OSBPL8: variants seen among roughly 807,000 people sequenced by gnomAD.
OSBPL8 encodes oxysterol-binding protein-related protein 8.
In OSBPL8, 59 loss-of-function variants were observed where a neutral mutation model predicts 125.5. The observed-to-expected ratio is 0.47, with a 90% CI of 0.38 to 0.58. The LOEUF (loss-of-function observed/expected upper bound fraction) is 0.58, where lower values mean the gene tolerates loss of function less well. Among genes scored for constraint, OSBPL8 ranks in the 20% least tolerant of loss-of-function variants. OSBPL8 has a pLI of 0.00. For synonymous variants in OSBPL8, 330 were observed against 338.9 expected (o/e 0.97, Z 0.29); for missense variants, 758 against 1,047.8 (o/e 0.72, Z 3.82).
intron 1 of OSBPL8, among the ~76,000 whole-genome samples, chr12:76,551,574 G>GT (rs1592907681): frequency 2.0e-5 from 3 of 152,260 alleles, no homozygotes; most frequent in African/African-American, 7.2e-5. Context: ...GTGACTGGGC[G>GT]TAAGATAAAG....
In OSBPL8 at chr12:76,530,203, C is replaced by T. The variant is rs1553945; in HGVS notation, c.-68+29194G>A. 5.7e-3 allele frequency among the ~76,000 whole-genome samples: 846 copies of T among 149,572 alleles called. 7 individuals are homozygous for T. Among genetic ancestry groups the T allele is most frequent in the Middle Eastern group, 7.0e-3 (2 of 284 alleles). Reference sequence around the variant, plus strand: ...TCCCAAGTAGTAAGAACTATAGGCACGTGCCACCGGGCCTGGCTTTTTTTT... The same window carrying T: ...TCCCAAGTAGTAAGAACTATAGGCATGTGCCACCGGGCCTGGCTTTTTTTT... On this transcript the variant is annotated intron_variant, in intron 1 of 23. Coordinates refer to ENST00000261183, the MANE Select transcript of OSBPL8 (RefSeq NM_020841.5).
rs532119518 is a variant in OSBPL8 at position 76,369,499 on chromosome 12, A to G, written c.2240+138T>C. The G allele has an allele frequency of 5.2e-4, 700 of 1,342,844 alleles. 5 individuals are homozygous for G. The South Asian group carries it at 0.01, about 20-fold the overall frequency. 83.2% of individuals were successfully genotyped at this position (1,342,844 alleles called of 1,614,324 possible). On this transcript the variant is annotated intron_variant, in intron 20 of 23. Transcript: ENST00000261183. ...ATAGAGTCAAGCTTATAATGAATGC[A>G]AAACCAAGTTTAAAAATCTCACACT...
chr12:76,474,971 T>G (rs1288230223), intron 2 of OSBPL8, among the ~76,000 whole-genome samples: 3 of 152,292 alleles, frequency 2.0e-5, no homozygotes, highest in Admixed American at 6.5e-5. Flanking sequence ...TAAGCTGAGG[T>G]ACGGATAAAA....
Position 76,369,225 on chromosome 12 carries a change from G to T in OSBPL8, c.2317C>A (p.Arg773Ser). 1 of 1,609,222 alleles carries T rather than the reference G, an allele frequency of 6.2e-7. No individual in the cohort carries two copies. Among genetic ancestry groups the T allele is most frequent in the Non-Finnish European group, 8.5e-7 (1 of 1,178,498 alleles). Residue 773 changes from arginine (R) to serine (S), a missense_variant, in exon 21 of 24, where the codon CGT (arginine) becomes AGT (serine). Around this residue, in one of 3 missense-constraint regions of OSBPL8, gnomAD observed 572 missense variants for 762.0 expected, o/e 0.75. Coordinates refer to ENST00000261183, the MANE Select transcript of OSBPL8 (RefSeq NM_020841.5). ...DGVIQTKVKHRTPMVSVPKMK... is the reference protein window; with the variant it reads ...DGVIQTKVKHSTPMVSVPKMK... ...TTTTTATTACATACCATTGGAGTACGATGTTTCACTTTGGTCTGAATAACA... is the reference window on the plus strand; with the variant it reads ...TTTTTATTACATACCATTGGAGTACTATGTTTCACTTTGGTCTGAATAACA...
chr12:76,464,431 T>C (rs1875140471), intron 2 of OSBPL8, among the ~76,000 whole-genome samples: 1 of 152,234 alleles, frequency 6.6e-6, no homozygotes, highest in Admixed American at 6.5e-5. Context: ...AGACATACTA[T>C]CAAAGTATTT....
chr12:76,534,367 G>A (rs962434148), intron 1 of OSBPL8: 1 of 152,130 alleles, frequency 6.6e-6, no homozygotes, highest in Admixed American at 6.5e-5. Flanking sequence ...AGTATCAGAC[G>A]TGGTATTTAA....
At chr12:76,437,135 G>A (rs1003244549) in intron 4 of OSBPL8, among the ~76,000 whole-genome samples, 8 of 152,044 alleles carry the variant, frequency 5.3e-5, no homozygotes, top group African/African-American at 1.7e-4. Context: ...CAATTCTGCT[G>A]GTACATGCGT....
intron 1 of OSBPL8, among the ~76,000 whole-genome samples, chr12:76,496,032 C>A (rs1292724830): frequency 1.3e-5 from 2 of 152,132 alleles, no homozygotes; most frequent in Non-Finnish European, 2.9e-5. Context: ...ACCTTACTTG[C>A]ACATTCTACC....
intron 2 of OSBPL8, among the ~76,000 whole-genome samples, chr12:76,470,209 G>C (rs1264580218): frequency 6.6e-6 from 1 of 152,162 alleles, no homozygotes; most frequent in African/African-American, 2.4e-5. Context: ...GCATGCATCT[G>C]GTGAGACTGC....
At position 76,473,425 on chromosome 12, in the gene OSBPL8, A is replaced by G. The variant is rs1225922897; in HGVS notation, c.43-13530T>C. ...CCTTTTATCTAGATTTCACAACAGC[A>G]TGCTAACTTGTTCCCTGAACTAACC... On this transcript the variant is annotated intron_variant, in intron 2 of 23. Coordinates refer to ENST00000261183, the MANE Select transcript of OSBPL8 (RefSeq NM_020841.5). Among the ~76,000 whole-genome samples, 5 of 152,290 alleles carry G rather than the reference A, an allele frequency of 3.3e-5. No individual in the cohort carries two copies. The South Asian group carries it at 1.0e-3, about 32-fold the overall frequency.
At chr12:76,518,748 A>C (rs893713662) in intron 1 of OSBPL8, among the ~76,000 whole-genome samples, 3 of 152,148 alleles carry the variant, frequency 2.0e-5, no homozygotes, top group Non-Finnish European at 2.9e-5. Context: ...CCCTCCAAAG[A>C]AGCAGCCCAA....
chr12:76,382,479 G>C (rs763057742), intron 15 of OSBPL8, among the ~76,000 whole-genome samples: 2 of 152,074 alleles, frequency 1.3e-5, no homozygotes, highest in Non-Finnish European at 2.9e-5. Context: ...AGCATTCCTG[G>C]CATCTACCTA....
intron 1 of OSBPL8, among the ~76,000 whole-genome samples, chr12:76,497,973 T>C (rs971205452): frequency 2.6e-5 from 4 of 152,250 alleles, no homozygotes; most frequent in African/African-American, 9.6e-5. Flanking sequence ...CAACTGTTTT[T>C]GTGTGAACAT....
Position 76,536,367 on chromosome 12 carries a change from CA to C in OSBPL8, c.-68+23029del, listed in dbSNP as rs377365768. On this transcript the variant is annotated intron_variant, in intron 1 of 23. Coordinates refer to ENST00000261183, the MANE Select transcript of OSBPL8 (RefSeq NM_020841.5). ...ACTAAATATTAAATACTAAAAATAC[CA>C]AAAAAAAAATCAAGCCCAACTAAAA... Among the ~76,000 whole-genome samples the C allele has an allele frequency of 3.0e-3, 437 of 145,702 alleles. 3 individuals are homozygous for C. Among genetic ancestry groups the C allele is most frequent in the African/African-American group, 0.01 (409 of 39,814 alleles).
Position 76,410,628 on chromosome 12 carries a change from T to G in OSBPL8, c.224A>C (p.Glu75Ala). ...SPASPHSQGF[E>A]RGKEDISQNK... is the part of the protein sequence containing the mutation. Reference sequence around the variant, plus strand: ...TTGAGAAATATCTTCCTTCCCTCTTTCAAAACCTTAAAAAAATAGTCAGCA... The same window carrying G: ...TTGAGAAATATCTTCCTTCCCTCTTGCAAAACCTTAAAAAAATAGTCAGCA... The change falls in exon 5 of 24, where the codon GAA (glutamate) becomes GCA (alanine). Residue 75 changes from glutamate (E) to alanine (A), a missense_variant. By Grantham distance (107) the Glu-to-Ala change is moderately radical. Around this residue, in one of 3 missense-constraint regions of OSBPL8, gnomAD observed 117 missense variants for 137.1 expected, o/e 0.85. Transcript: ENST00000261183. 1 of 1,601,478 alleles carries G rather than the reference T, an allele frequency of 6.2e-7. No homozygotes were observed. Among genetic ancestry groups the G allele is most frequent in the South Asian group, 1.1e-5 (1 of 90,644 alleles).
intron 2 of OSBPL8, among the ~76,000 whole-genome samples, chr12:76,462,623 G>A (rs1479550187): frequency 6.6e-6 from 1 of 151,884 alleles, no homozygotes; most frequent in African/African-American, 2.4e-5. Context: ...CATAAAAAAT[G>A]TTAAGTAAAA....
At chr12:76,498,442 C>T (rs896326607) in intron 1 of OSBPL8, among the ~76,000 whole-genome samples, 4 of 152,348 alleles carry the variant, frequency 2.6e-5, no homozygotes, top group Admixed American at 1.3e-4. Flanking sequence ...GGTGCAAGCA[C>T]GCACCTCTCA....
At chr12:76,498,598 G>A (rs552877252) in intron 1 of OSBPL8, among the ~76,000 whole-genome samples, 32 of 152,216 alleles carry the variant, frequency 2.1e-4, no homozygotes, top group African/African-American at 6.0e-4. Context: ...TGCTTTGAAC[G>A]CAGACATTTT....
chr12:76,507,530 C>T (rs1477388061), intron 1 of OSBPL8, among the ~76,000 whole-genome samples: 1 of 151,636 alleles, frequency 6.6e-6, no homozygotes, highest in Non-Finnish European at 1.5e-5. Flanking sequence ...TTCTCAGAAG[C>T]AAAAATGTGC....
Sources: gnomAD v4.1 joint callset for allele counts (sites outside exome capture counted in the v4.1 genomes callset) on GRCh38, gnomAD v4.1.1 for gene constraint, gnomAD v4.1.1 regional missense constraint, MANE v1.5 for transcripts, NCBI Gene and HGNC (gene_info 2026-07-23, HGNC 2026-07-21) for gene names.